Variants in PPP3CB observed in about 807,000 individuals in gnomAD.
PPP3CB encodes the protein protein phosphatase 3 catalytic subunit beta.
A neutral mutation model predicts 66.4 loss-of-function variants in PPP3CB; 8 were observed. That is an observed-to-expected ratio of 0.12 (90% CI 0.07 to 0.22). The LOEUF is 0.22. Ranked by LOEUF, PPP3CB falls within the 10% of genes least tolerant of loss-of-function variation. PPP3CB has a pLI of 1.00. For missense variants in PPP3CB, 319 were observed against 642.5 expected (o/e 0.50, Z 5.44); for synonymous variants, 208 against 221.2 (o/e 0.94, Z 0.53).
At chr10:73,458,713 T>C (rs1255254380) in intron 9 of PPP3CB, among the ~76,000 whole-genome samples, 1 of 150,716 alleles carries the variant, frequency 6.6e-6, no homozygotes, top group African/African-American at 2.4e-5. Flanking sequence ...AAAATGTATA[T>C]TTATTAAAAT....
Position 73,454,499 on chromosome 10 carries a change from A to T in PPP3CB, c.1109-10T>A. ...ACCAACATTTCTGTCACTATTTGGG[A>T]AAAAAAAGTTACATGTTAGCTGACC... On this transcript the variant is annotated splice_polypyrimidine_tract_variant and intron_variant, in intron 9 of 13. Coordinates refer to ENST00000360663, the MANE Select transcript of PPP3CB (RefSeq NM_021132.4). 1 of 1,593,354 alleles carries T rather than the reference A, an allele frequency of 6.3e-7. No homozygotes were observed. The highest frequency in any genetic ancestry group is 8.6e-7 in the Non-Finnish European group (1 of 1,163,792).
intron 1 of PPP3CB, among the ~76,000 whole-genome samples, chr10:73,494,282 TTTTG>T (rs1448282578): frequency 2.9e-5 from 4 of 136,374 alleles, no homozygotes; most frequent in Non-Finnish European, 4.6e-5. Flanking sequence ...AGTGTTTTGT[TTTTG>T]TTTTTGTTTT....
intron 1 of PPP3CB, among the ~76,000 whole-genome samples, chr10:73,484,215 T>G (rs2056932646): frequency 6.6e-6 from 1 of 152,220 alleles, no homozygotes; most frequent in Non-Finnish European, 1.5e-5. Flanking sequence ...CATATAGTTT[T>G]CAGGCTTTTT....
intron 9 of PPP3CB, among the ~76,000 whole-genome samples, chr10:73,463,744 G>A (rs944908763): frequency 2.0e-5 from 3 of 152,004 alleles, no homozygotes; most frequent in African/African-American, 7.2e-5. Flanking sequence ...CTGGGTTCAC[G>A]CCATTCTCCT....
intron 9 of PPP3CB, 148 bp downstream of exon 9, chr10:73,467,405 C>CT (rs1329491319): frequency 1.1e-5 from 6 of 547,312 alleles, no homozygotes; most frequent in Non-Finnish European, 1.7e-5. Flanking sequence ...CTTTGAGACT[C>CT]TTATGTCCAC....
At chr10:73,492,527 T>TA (rs1455387766) in intron 1 of PPP3CB, among the ~76,000 whole-genome samples, 5 of 152,264 alleles carry the variant, frequency 3.3e-5, no homozygotes, top group Non-Finnish European at 7.3e-5. Context: ...GCTGATGTGG[T>TA]AAGAAAGCAC....
intron 5 of PPP3CB, 127 bp from the exon 6 acceptor site, chr10:73,471,336 T>C: frequency 1.5e-6 from 2 of 1,352,402 alleles, no homozygotes; most frequent in Non-Finnish European, 2.0e-6. Context: ...CAGAAGTTAT[T>C]TCCTTAAGAT....
chr10:73,477,246 A>G (rs973396014), intron 3 of PPP3CB: 1 of 515,700 alleles, frequency 1.9e-6, no homozygotes, highest in East Asian at 5.5e-5. Context: ...ACAGGTATCT[A>G]TTGGTAGAAA....
intron 12 of PPP3CB, among the ~76,000 whole-genome samples, chr10:73,443,467 CTAAT>C (rs2056197120): frequency 6.6e-6 from 1 of 152,042 alleles, no homozygotes; most frequent in Non-Finnish European, 1.5e-5. Context: ...AAAAAAGTCA[CTAAT>C]TACAACACCA....
At chr10:73,477,250 G>A (rs1355317502) in intron 3 of PPP3CB, 3 of 515,200 alleles carry the variant, frequency 5.8e-6, no homozygotes, top group East Asian at 5.5e-5. Context: ...GTATCTATTG[G>A]TAGAAATTTG....
At chr10:73,489,805 C>T (rs1331250571) in intron 1 of PPP3CB, among the ~76,000 whole-genome samples, 1 of 152,140 alleles carries the variant, frequency 6.6e-6, no homozygotes, top group Non-Finnish European at 1.5e-5. Flanking sequence ...ATACTTTTGC[C>T]ATACATTTCA....
intron 12 of PPP3CB, among the ~76,000 whole-genome samples, chr10:73,443,078 T>C (rs960616364): frequency 6.6e-6 from 1 of 151,434 alleles, no homozygotes; most frequent in Admixed American, 6.6e-5. Context: ...CATGTGCCTA[T>C]GGTCTTAGCT....
At chr10:73,492,464 A>G (rs778152373) in intron 1 of PPP3CB, among the ~76,000 whole-genome samples, 4 of 152,242 alleles carry the variant, frequency 2.6e-5, no homozygotes, top group Non-Finnish European at 5.9e-5. Flanking sequence ...GGAGGAGGGA[A>G]AGCAATATAT....
At chr10:73,444,435 A>T in intron 12 of PPP3CB, 1 of 803,786 alleles carries the variant, frequency 1.2e-6, no homozygotes, top group Non-Finnish European at 1.9e-6. Flanking sequence ...AGACAGATGA[A>T]TAAATAAATA....
intron 1 of PPP3CB, among the ~76,000 whole-genome samples, chr10:73,495,124 G>C (rs1249822777): frequency 6.6e-6 from 1 of 152,140 alleles, no homozygotes; most frequent in Non-Finnish European, 1.5e-5. Flanking sequence ...AGTGTTGATG[G>C]TTTTCTAAGT....
intron 8 of PPP3CB, among the ~76,000 whole-genome samples, 187 bp downstream of exon 8, chr10:73,470,500 G>T (rs940896038): frequency 5.9e-5 from 9 of 151,940 alleles, no homozygotes; most frequent in African/African-American, 2.2e-4. Context: ...TTGTGGAATG[G>T]GGTTACATAT....
At position 73,479,305 on chromosome 10, in the gene PPP3CB, G is replaced by A. The variant is rs746649303; in HGVS notation, c.286+12C>T. The A allele has an allele frequency of 7.5e-6, 12 of 1,609,834 alleles. No homozygotes were observed. Among genetic ancestry groups the A allele is most frequent in the Admixed American group, 5.0e-5 (3 of 59,930 alleles). ...ATAATAAAAATAATACCCAAAACAT[G>A]AATAAGCTTACCTGTGATTGGAGCT... On this transcript the variant is annotated intron_variant, in intron 2 of 13. Transcript: ENST00000360663.
Position 73,462,140 on chromosome 10 carries a change from CTTTTTTTTTTT to C in PPP3CB, c.1108+5402_1108+5412del, listed in dbSNP as rs1019088638. ...GAACCACGAGCCAATTAAACTCCTT[CTTTTTTTTTTT>C]TTTTTTTTTTTTTTTCAGATAGAGT... On this transcript the variant is annotated intron_variant, in intron 9 of 13. Transcript: ENST00000360663. Among the ~76,000 whole-genome samples the C allele has an allele frequency of 2.0e-3, 187 of 94,220 alleles. 2 individuals are homozygous for C. Among genetic ancestry groups the C allele is most frequent in the South Asian group, 7.3e-3 (21 of 2,866 alleles). 61.8% of individuals were successfully genotyped at this position (94,220 alleles called of 152,430 possible).
chr10:73,485,950 G>GTGTGTGTA (rs58404946), intron 1 of PPP3CB, among the ~76,000 whole-genome samples: 3,899 of 124,442 alleles, frequency 0.031, 153 homozygotes, highest in East Asian at 0.17. Flanking sequence ...GTGTGTGTGT[G>GTGTGTGTA]TATTTTTTTT....
Sources: gnomAD v4.1 joint callset for allele counts (sites outside exome capture counted in the v4.1 genomes callset) on GRCh38, gnomAD v4.1.1 for gene constraint, MANE v1.5 for transcripts, NCBI Gene and HGNC (gene_info 2026-07-23, HGNC 2026-07-21) for gene names.